Variants in LRP1B observed in about 807,000 individuals in gnomAD.
LRP1B encodes the protein LDL receptor related protein 1B.
Under a neutral mutation model 556.6 loss-of-function variants are expected in LRP1B, and 217 were observed. That is an observed-to-expected ratio of 0.39 (90% CI 0.35 to 0.44). LRP1B has a LOEUF of 0.44. Ranked by LOEUF, LRP1B falls within the 20% of genes least tolerant of loss-of-function variation. The probability of loss-of-function intolerance (pLI) is 1.00; values close to 1 mark genes in which losing one functional copy is unlikely to be tolerated. For missense variants in LRP1B, 5,053 were observed against 5,620.8 expected (o/e 0.90, Z 3.23); for synonymous variants, 2,047 against 1,865.8 (o/e 1.10, Z -2.50).
chr2:141,920,110 T>C (rs1331608673), intron 1 of LRP1B, among the ~76,000 whole-genome samples: 2 of 151,854 alleles, frequency 1.3e-5, no homozygotes. Flanking sequence ...ACCTTATGTG[T>C]TTCCTCAGTA....
chr2:142,005,665 A>G (rs2105144858), intron 1 of LRP1B, among the ~76,000 whole-genome samples: 1 of 152,312 alleles, frequency 6.6e-6, no homozygotes, highest in East Asian at 1.9e-4. Flanking sequence ...TGATGACTGT[A>G]ATGCTATATT....
intron 2 of LRP1B, among the ~76,000 whole-genome samples, chr2:141,718,766 G>A (rs938950312): frequency 2.0e-5 from 3 of 152,150 alleles, no homozygotes; most frequent in African/African-American, 7.2e-5. Context: ...ACAGAAGACT[G>A]GAGTGTGATA....
chr2:140,998,678 C>T (rs1263963440), intron 15 of LRP1B, among the ~76,000 whole-genome samples: 2 of 152,044 alleles, frequency 1.3e-5, no homozygotes, highest in African/African-American at 4.8e-5. Context: ...AATCATGTAG[C>T]ATGTCAATAT....
At chr2:141,849,744 A>C (rs2105772435) in intron 1 of LRP1B, among the ~76,000 whole-genome samples, 1 of 151,626 alleles carries the variant, frequency 6.6e-6, no homozygotes, top group East Asian at 1.9e-4. Flanking sequence ...ATACCGTAAA[A>C]TTTCTATTTT....
chr2:142,033,888 C>T (rs1437234190), intron 1 of LRP1B, among the ~76,000 whole-genome samples: 1 of 151,766 alleles, frequency 6.6e-6, no homozygotes, highest in Non-Finnish European at 1.5e-5. Context: ...CCAAAAGCTA[C>T]TGTTCAATAG....
At chr2:140,682,061 CTTAATA>C (rs1685878140) in intron 41 of LRP1B, among the ~76,000 whole-genome samples, 4 of 152,108 alleles carry the variant, frequency 2.6e-5, no homozygotes, top group Admixed American at 2.6e-4. Context: ...TGTTTGTTGT[CTTAATA>C]TTATTTTCAG....
intron 7 of LRP1B, among the ~76,000 whole-genome samples, chr2:141,093,796 C>A (rs746968974): frequency 1.1e-4 from 17 of 151,974 alleles, no homozygotes; most frequent in African/African-American, 1.2e-4. Flanking sequence ...CTCACTGCAA[C>A]CTCCACCCCC....
chr2:141,826,483 C>T (rs1434939648), intron 1 of LRP1B, among the ~76,000 whole-genome samples: 1 of 151,468 alleles, frequency 6.6e-6, no homozygotes, highest in Non-Finnish European at 1.5e-5. Flanking sequence ...CCTCAGCCTC[C>T]GGAGTAGCTG....
At chr2:140,661,384 G>A (rs1317802330) in intron 41 of LRP1B, among the ~76,000 whole-genome samples, 1 of 151,946 alleles carries the variant, frequency 6.6e-6, no homozygotes, top group East Asian at 1.9e-4. Flanking sequence ...ATTGGGCTGG[G>A]CATGATGGCT....
intron 11 of LRP1B, among the ~76,000 whole-genome samples, chr2:141,030,778 C>A (rs568435879): frequency 6.6e-6 from 1 of 151,984 alleles, no homozygotes; most frequent in African/African-American, 2.4e-5. Flanking sequence ...GATGAGAACT[C>A]TGATTCTTTC....
At chr2:141,694,689 G>A (rs962148555) in intron 2 of LRP1B, among the ~76,000 whole-genome samples, 1 of 151,352 alleles carries the variant, frequency 6.6e-6, no homozygotes, top group African/African-American at 2.4e-5. Flanking sequence ...ACATCACTTG[G>A]GAACAAATGG....
chr2:140,749,949 G>T (rs895953410), intron 35 of LRP1B, among the ~76,000 whole-genome samples: 2 of 152,000 alleles, frequency 1.3e-5, no homozygotes, highest in African/African-American at 4.8e-5. Context: ...CATTATGATG[G>T]CTAAGACACC....
intron 3 of LRP1B, 84 bp from the exon 4 acceptor site, chr2:141,254,725 A>G (rs1684395177): frequency 1.9e-6 from 2 of 1,047,904 alleles, no homozygotes; most frequent in Non-Finnish European, 1.3e-6. Flanking sequence ...TCCTTACACT[A>G]TAGTCTTGAT....
At chr2:140,480,447 A>G (rs1688184112) in intron 59 of LRP1B, among the ~76,000 whole-genome samples, 1 of 152,004 alleles carries the variant, frequency 6.6e-6, no homozygotes, top group Admixed American at 6.6e-5. Flanking sequence ...TTCCTTGTGG[A>G]TTTCCTAACA....
chr2:140,880,339 T>G (rs1693434970), intron 25 of LRP1B, among the ~76,000 whole-genome samples: 1 of 152,146 alleles, frequency 6.6e-6, no homozygotes, highest in South Asian at 2.1e-4. Context: ...ATAAGCTTAA[T>G]GTTTAAAACG....
intron 11 of LRP1B, among the ~76,000 whole-genome samples, chr2:141,023,154 GAAT>G (rs917081058): frequency 6.6e-6 from 1 of 151,794 alleles, no homozygotes; most frequent in Non-Finnish European, 1.5e-5. Context: ...GAAAACTTAA[GAAT>G]ATTATTTTTC....
chr2:141,566,042 T>C (rs1686318045), intron 2 of LRP1B, among the ~76,000 whole-genome samples: 1 of 151,960 alleles, frequency 6.6e-6, no homozygotes. Context: ...TGGATTCAAA[T>C]ATAGGTATTT....
At chr2:142,100,318 G>A (rs562436590) in intron 1 of LRP1B, among the ~76,000 whole-genome samples, 318 of 152,032 alleles carry the variant, frequency 2.1e-3, no homozygotes, top group Non-Finnish European at 3.8e-3. Context: ...CATTACTGCA[G>A]TCAAAAATCC....
intron 43 of LRP1B, among the ~76,000 whole-genome samples, chr2:140,556,268 T>C (rs2105064388): frequency 6.6e-6 from 1 of 152,150 alleles, no homozygotes; most frequent in South Asian, 2.1e-4. Context: ...GACTCTAATC[T>C]GCCCTTGGAG....
Sources: gnomAD v4.1 joint callset for allele counts (sites outside exome capture counted in the v4.1 genomes callset) on GRCh38, gnomAD v4.1.1 for gene constraint, MANE v1.5 for transcripts, NCBI Gene and HGNC (gene_info 2026-07-23, HGNC 2026-07-21) for gene names.